The following PKD2L2 variants were observed in gnomAD, a reference collection of about 807,000 sequenced individuals.
PKD2L2 encodes the protein polycystin 2 like 2, transient receptor potential cation channel.
A neutral mutation model predicts 83.9 loss-of-function variants in PKD2L2; 67 were observed. The observed-to-expected ratio is 0.80, with a 90% confidence interval of 0.66 to 0.98. The LOEUF is 0.98. PKD2L2 is among the 50% of genes least tolerant of loss of function. The pLI is 0.00. For synonymous variants in PKD2L2, 223 were observed against 237.8 expected, an observed-to-expected ratio of 0.94 and a Z score of 0.57; for missense variants, 632 against 717.2, an observed-to-expected ratio of 0.88 and a Z score of 1.36.
chr5:137,934,685 G>A (rs565392784), intron 12 of PKD2L2, among the ~76,000 whole-genome samples: 5 of 152,238 alleles, frequency 3.3e-5, no homozygotes, highest in South Asian at 2.1e-4. Context: ...GGTGGTGCAC[G>A]CCTGTAATCC....
intron 12 of PKD2L2, among the ~76,000 whole-genome samples, chr5:137,931,938 G>A (rs1391313680): frequency 1.3e-5 from 2 of 152,186 alleles, no homozygotes; most frequent in African/African-American, 4.8e-5. Context: ...TGTCATATAT[G>A]CAAACATCAA....
chr5:137,919,258 C>T (rs898696918), intron 8 of PKD2L2, among the ~76,000 whole-genome samples: 3 of 152,080 alleles, frequency 2.0e-5, no homozygotes, highest in Non-Finnish European at 2.9e-5. Context: ...TATGTTGAGG[C>T]GTCATGGTGC....
At chr5:137,906,703 G>T (rs1757397924) in intron 6 of PKD2L2, among the ~76,000 whole-genome samples, 1 of 151,998 alleles carries the variant, frequency 6.6e-6, no homozygotes, top group Non-Finnish European at 1.5e-5. Context: ...TGCACAGTAG[G>T]CCTCCCTACC....
At chr5:137,904,479 G>A (rs899408165) in intron 5 of PKD2L2, among the ~76,000 whole-genome samples, 1 of 152,194 alleles carries the variant, frequency 6.6e-6, no homozygotes, top group African/African-American at 2.4e-5. Context: ...GGACATGGAT[G>A]GAGCTGGAGG....
intron 9 of PKD2L2, among the ~76,000 whole-genome samples, chr5:137,922,463 C>T (rs925740586): frequency 6.6e-6 from 1 of 152,148 alleles, no homozygotes; most frequent in Admixed American, 6.5e-5. Flanking sequence ...CTTGGCTGGA[C>T]GCAGTGGCTC....
chr5:137,911,862 G>A (rs1051996623), intron 8 of PKD2L2, among the ~76,000 whole-genome samples: 1 of 152,064 alleles, frequency 6.6e-6, no homozygotes, highest in Non-Finnish European at 1.5e-5. Flanking sequence ...CTGCTTCTAT[G>A]ACTTCAACTT....
intron 12 of PKD2L2, among the ~76,000 whole-genome samples, chr5:137,926,960 G>C (rs1487838304): frequency 6.6e-6 from 1 of 152,158 alleles, no homozygotes; most frequent in Non-Finnish European, 1.5e-5. Context: ...TATACAAGAT[G>C]AGTCTGGAAT....
intron 14 of PKD2L2, chr5:137,939,831 T>C: frequency 7.8e-7 from 1 of 1,283,508 alleles, no homozygotes; most frequent in Non-Finnish European, 9.8e-7. Flanking sequence ...AAGAATTCAG[T>C]ATGAAGATTT....
rs146711453 is a variant in PKD2L2, at chr5:137,910,343, G to A, written c.1328+1397G>A. Among the ~76,000 whole-genome samples, 10 of 151,740 alleles carry A rather than the reference G, an allele frequency of 6.6e-5. No individual in the cohort carries two copies. The East Asian group carries it at 1.4e-3, about 21-fold the overall frequency. On this transcript the variant is annotated intron_variant, in intron 8 of 14. Transcript: ENST00000508883. ...CAGAGCCTAGGAAATTTGTCTTACCGTGGGTAGTGAAGAGGAAAGGGAAGT... is the reference window on the plus strand; with the variant it reads ...CAGAGCCTAGGAAATTTGTCTTACCATGGGTAGTGAAGAGGAAAGGGAAGT...
chr5:137,923,622 C>T, intron 10 of PKD2L2, 101 bp downstream of exon 10: 1 of 712,198 alleles, frequency 1.4e-6, no homozygotes, highest in Non-Finnish European at 2.6e-6. Context: ...GTCGTGCTCT[C>T]CCCACTCCCA....
At chr5:137,933,935 T>C (rs1760091082) in intron 12 of PKD2L2, among the ~76,000 whole-genome samples, 1 of 152,204 alleles carries the variant, frequency 6.6e-6, no homozygotes, top group Non-Finnish European at 1.5e-5. Context: ...TTTAAGTCAA[T>C]TGTTGTGCCC....
intron 12 of PKD2L2, among the ~76,000 whole-genome samples, chr5:137,926,590 T>C (rs549325001): frequency 6.6e-6 from 1 of 152,310 alleles, no homozygotes; most frequent in East Asian, 1.9e-4. Flanking sequence ...ATTTTCTAGC[T>C]CTGTCCAATC....
intron 12 of PKD2L2, among the ~76,000 whole-genome samples, chr5:137,933,061 A>AC (rs1554110842): frequency 1.3e-5 from 2 of 151,558 alleles, no homozygotes; most frequent in Admixed American, 6.6e-5. Context: ...AAAAAAAAAA[A>AC]AAAAACCCAC....
At chr5:137,929,534 C>CAAAAAAAAAAAAAAAAAA (rs756601170) in intron 12 of PKD2L2, among the ~76,000 whole-genome samples, 1 of 3,438 alleles carries the variant, frequency 2.9e-4, no homozygotes, top group African/African-American at 1.2e-3. Flanking sequence ...ACAAAATTGC[C>CAAAAAAAAAAAAAAAAAA]AAAAAAAAAA....
intron 8 of PKD2L2, among the ~76,000 whole-genome samples, chr5:137,920,578 G>A (rs1758800596): frequency 6.6e-6 from 1 of 151,998 alleles, no homozygotes; most frequent in African/African-American, 2.4e-5. Flanking sequence ...ACAAGATGGT[G>A]AAACCCCATC....
chr5:137,910,848 G>A (rs79877678), intron 8 of PKD2L2, among the ~76,000 whole-genome samples: 3,323 of 151,384 alleles, frequency 0.022, 67 homozygotes, highest in Middle Eastern at 0.048. Context: ...ATAAGAGAGT[G>A]AGTAATAACT....
chr5:137,908,265 C>T (rs923683772), intron 7 of PKD2L2, among the ~76,000 whole-genome samples: 7 of 151,882 alleles, frequency 4.6e-5, no homozygotes, highest in Admixed American at 4.6e-4. Context: ...GCTGTAATCC[C>T]CCACTGCACT....
intron 8 of PKD2L2, among the ~76,000 whole-genome samples, chr5:137,918,684 A>G (rs1758597935): frequency 6.6e-6 from 1 of 152,254 alleles, no homozygotes; most frequent in East Asian, 1.9e-4. Flanking sequence ...ATTAACAGCA[A>G]TTTACTGTCC....
chr5:137,892,523 G>A lies in PKD2L2; in HGVS notation c.177G>A (p.Lys59=). The A allele has an allele frequency of 6.2e-7, 1 of 1,603,150 alleles. No homozygotes were observed. The highest frequency in any genetic ancestry group is 1.1e-5 in the South Asian group (1 of 89,942). Residue 59 remains lysine, a synonymous_variant, in exon 3 of 15, where the codon AAG becomes AAA. Coordinates refer to ENST00000508883, the MANE Select transcript of PKD2L2 (RefSeq NM_001300921.2). ...ACCCACATATGTATTACTTAAACAA[G>A]GTTATGTCATCTCTATTTTTGGACA... ...MVNPHMYYLN[K]VMSSLFLDTS... is the part of the protein sequence containing the mutation.
Sources: allele counts gnomAD v4.1 joint callset (sites outside exome capture counted in the v4.1 genomes callset), GRCh38; gene constraint gnomAD v4.1.1; transcripts MANE v1.5; gene names NCBI Gene and HGNC (gene_info 2026-07-23, HGNC 2026-07-21).